Variants in SP140L observed in about 807,000 individuals in gnomAD.
The protein encoded by SP140L is nuclear body protein SP140-like protein.
In SP140L, 64 loss-of-function variants were observed where a neutral mutation model predicts 84.3. The ratio of observed to expected loss-of-function variants is 0.76; its 90% CI spans 0.62 to 0.94. SP140L has a LOEUF of 0.94. Among genes scored for constraint, SP140L ranks in the 40% least tolerant of loss-of-function variants. The pLI, the probability that SP140L is intolerant of heterozygous loss-of-function variation, is 0.00. For missense variants in SP140L, 628 were observed against 692.5 expected (o/e 0.91, Z 1.05); for synonymous variants, 242 against 236.9 (o/e 1.02, Z -0.20).
chr2:230,336,478 A>T (rs1265099817), intron 2 of SP140L, among the ~76,000 whole-genome samples: 1 of 152,188 alleles, frequency 6.6e-6, no homozygotes, highest in Non-Finnish European at 1.5e-5. Flanking sequence ...CACCTGTTTC[A>T]TGAGAATCTA....
chr2:230,397,479 C>A (rs1408674624), intron 14 of SP140L, among the ~76,000 whole-genome samples: 1 of 152,212 alleles, frequency 6.6e-6, no homozygotes, highest in African/African-American at 2.4e-5. Flanking sequence ...CAGTACTATG[C>A]AAACTTTCTG....
intron 2 of SP140L, among the ~76,000 whole-genome samples, chr2:230,339,383 CTCTT>C (rs2059969165): frequency 6.6e-6 from 1 of 151,484 alleles, no homozygotes; most frequent in Admixed American, 6.6e-5. Flanking sequence ...TGATTCTTCT[CTCTT>C]TTTTTCTTTA....
rs757776617 is a variant in SP140L, at chr2:230,357,933, G to A, written c.236G>A (p.Arg79His). The change falls in exon 3 of 19, where the codon CGC becomes CAC. Residue 79 changes from arginine (R) to histidine (H), a missense_variant. Coordinates refer to ENST00000415673, the MANE Select transcript of SP140L (RefSeq NM_138402.6). ...KKTFPFLEGLRDRELITNKMF... is the reference protein window; with the variant it reads ...KKTFPFLEGLHDRELITNKMF... ...ACATTTCCATTCCTTGAGGGCCTCC[G>A]CGATCGGGAACTCATCACAAATAAA... 50 of 1,613,772 alleles carry A rather than the reference G, an allele frequency of 3.1e-5. No homozygotes were observed. Among genetic ancestry groups the A allele is most frequent in the Middle Eastern group, 1.6e-4 (1 of 6,084 alleles).
chr2:230,359,211 T>G (rs1268952552), intron 4 of SP140L, 79 bp downstream of exon 4: 1 of 1,261,740 alleles, frequency 7.9e-7, no homozygotes, highest in Admixed American at 2.0e-5. Context: ...TCCTACCATG[T>G]GCGATACATT....
chr2:230,363,446 G>C (rs1010976661), intron 5 of SP140L, among the ~76,000 whole-genome samples: 1 of 151,210 alleles, frequency 6.6e-6, no homozygotes, highest in African/African-American at 2.4e-5. Flanking sequence ...ATACCTGATG[G>C]TCATTTGTAT....
chr2:230,344,263 T>C (rs1054187708), intron 2 of SP140L, among the ~76,000 whole-genome samples: 4 of 152,232 alleles, frequency 2.6e-5, no homozygotes, highest in African/African-American at 9.7e-5. Context: ...CCCTTTACCA[T>C]TATGTAATGT....
chr2:230,364,676 G>A (rs2060815724), intron 5 of SP140L, among the ~76,000 whole-genome samples: 2 of 152,050 alleles, frequency 1.3e-5, no homozygotes, highest in African/African-American at 4.8e-5. Flanking sequence ...GCAGTACTGT[G>A]TTGACTAGAA....
intron 7 of SP140L, among the ~76,000 whole-genome samples, chr2:230,373,467 T>C (rs1387493807): frequency 2.6e-5 from 4 of 152,192 alleles, no homozygotes; most frequent in Admixed American, 2.6e-4. Context: ...TAAGAATTAT[T>C]CTAAATCTAC....
intron 2 of SP140L, among the ~76,000 whole-genome samples, chr2:230,336,596 T>C (rs1269832473): frequency 6.6e-6 from 1 of 152,200 alleles, no homozygotes; most frequent in Admixed American, 6.5e-5. Context: ...CTGAAACAAG[T>C]TATAACCTCT....
chr2:230,402,035 C>A (rs1441393399), intron 18 of SP140L, among the ~76,000 whole-genome samples: 2 of 152,226 alleles, frequency 1.3e-5, no homozygotes, highest in Non-Finnish European at 2.9e-5. Flanking sequence ...GCTCCTCCCC[C>A]ACCTGCCCCA....
At chr2:230,370,417 A>G (rs1220564559) in intron 5 of SP140L, among the ~76,000 whole-genome samples, 1 of 152,196 alleles carries the variant, frequency 6.6e-6, no homozygotes, top group Non-Finnish European at 1.5e-5. Flanking sequence ...GACCCCAGAA[A>G]GGAATAAAGG....
chr2:230,375,489 T>G (rs1451698621), intron 7 of SP140L, among the ~76,000 whole-genome samples: 5 of 152,210 alleles, frequency 3.3e-5, no homozygotes, highest in Non-Finnish European at 7.4e-5. Context: ...CTGTAATGGC[T>G]GTACCAATTT....
At chr2:230,369,766 TTG>T (rs2060995127) in intron 5 of SP140L, among the ~76,000 whole-genome samples, 1 of 152,066 alleles carries the variant, frequency 6.6e-6, no homozygotes, top group Admixed American at 6.5e-5. Flanking sequence ...TTCTTTTTGT[TTG>T]TTTGTTTTCT....
chr2:230,384,569 T>C (rs1345112075), intron 8 of SP140L, among the ~76,000 whole-genome samples: 1 of 152,218 alleles, frequency 6.6e-6, no homozygotes, highest in African/African-American at 2.4e-5. Context: ...GGCTTGTGGA[T>C]GTACATTTGT....
intron 2 of SP140L, among the ~76,000 whole-genome samples, chr2:230,354,539 GGGAGGATCACTTGAAGCCA>G (rs898371602): frequency 6.6e-6 from 1 of 152,130 alleles, no homozygotes; most frequent in African/African-American, 2.4e-5. Context: ...AGGCCAAGGT[GGGAGGATCACTTGAAGCCA>G]GGAGTTCAAG....
chr2:230,346,722 C>G (rs2060220041), intron 2 of SP140L, among the ~76,000 whole-genome samples: 1 of 151,976 alleles, frequency 6.6e-6, no homozygotes, highest in South Asian at 2.1e-4. Flanking sequence ...TCTAGGATTT[C>G]TGGGGGTTTG....
intron 5 of SP140L, among the ~76,000 whole-genome samples, chr2:230,366,944 G>A (rs1429100961): frequency 2.6e-5 from 4 of 151,876 alleles, no homozygotes; most frequent in African/African-American, 9.7e-5. Flanking sequence ...TGTTACCCAG[G>A]CTGGTCTCGA....
intron 2 of SP140L, among the ~76,000 whole-genome samples, chr2:230,349,012 G>C (rs1395734866): frequency 1.3e-5 from 2 of 152,208 alleles, no homozygotes; most frequent in Non-Finnish European, 2.9e-5. Context: ...AGCCAGCCCT[G>C]CTCTTACATT....
chr2:230,390,732 G>A (rs925384949), intron 11 of SP140L, among the ~76,000 whole-genome samples: 8 of 151,886 alleles, frequency 5.3e-5, no homozygotes, highest in African/African-American at 1.7e-4. Context: ...CTGAAATACA[G>A]TTCATGTATC....
Sources: allele counts gnomAD v4.1 joint callset (sites outside exome capture counted in the v4.1 genomes callset), GRCh38; gene constraint gnomAD v4.1.1; transcripts MANE v1.5; gene names NCBI Gene and HGNC (gene_info 2026-07-23, HGNC 2026-07-21).